TUSC3: variants seen among roughly 807,000 people sequenced by gnomAD.
The protein encoded by TUSC3 is tumor suppressor candidate 3.
In TUSC3, 45 loss-of-function variants were observed where a neutral mutation model predicts 44.8. The observed-to-expected ratio is 1.00, with a 90% confidence interval of 0.79 to 1.29. The LOEUF (loss-of-function observed/expected upper bound fraction) is 1.29. Ranked by LOEUF, TUSC3 falls within the 50% of genes most tolerant of loss-of-function variation. The pLI is 0.00. For synonymous variants in TUSC3, 212 were observed against 152.9 expected, an observed-to-expected ratio of 1.39 and a Z score of -2.85; for missense variants, 519 against 437.9, an observed-to-expected ratio of 1.19 and a Z score of -1.65.
At chr8:15,489,928 G>A (rs1800784305) in intron 2 of TUSC3, among the ~76,000 whole-genome samples, 1 of 152,052 alleles carries the variant, frequency 6.6e-6, no homozygotes, top group South Asian at 2.1e-4. Flanking sequence ...ATTCTGATAT[G>A]GCTAGAAAAT....
rs558770155 is a variant in TUSC3 at position 15,503,115 on chromosome 8, G to A, written n.189+19632G>A. 5.9e-5 allele frequency among the ~76,000 whole-genome samples: 9 copies of A among 152,232 alleles called. No homozygotes were observed. The South Asian group carries it at 1.7e-3, about 28-fold the overall frequency. On this transcript the variant is annotated intron_variant and non_coding_transcript_variant, in intron 2 of 5. Coordinates refer to the TUSC3 transcript ENST00000503191. ...AAATCCCCAGAACCTCGGAATGTGA[G>A]TGTATTTGGAGGGTTGGGTCTTCAA... is the stretch of plus-strand genomic sequence containing the variant.
At chr8:15,470,186 G>T (rs1800469141) in intron 1 of TUSC3, among the ~76,000 whole-genome samples, 1 of 149,584 alleles carries the variant, frequency 6.7e-6, no homozygotes, top group Non-Finnish European at 1.5e-5. Flanking sequence ...GAGGTGAAAA[G>T]ATTGCTTGAG....
intron 1 of TUSC3, among the ~76,000 whole-genome samples, chr8:15,607,411 G>A (rs1405366057): frequency 6.6e-6 from 1 of 152,098 alleles, no homozygotes. Flanking sequence ...CATTTGTAAA[G>A]TGTGTGTATA....
intron 1 of TUSC3, among the ~76,000 whole-genome samples, chr8:15,585,107 G>A (rs113928038): frequency 1.4e-4 from 21 of 152,256 alleles, no homozygotes; most frequent in African/African-American, 4.8e-4. Context: ...AAAGGCTACT[G>A]CTACTATGTT....
chr8:15,507,156 C>T (rs1364877794), intron 2 of TUSC3, among the ~76,000 whole-genome samples: 2 of 152,096 alleles, frequency 1.3e-5, no homozygotes, highest in African/African-American at 4.8e-5. Flanking sequence ...GGGAGCTCCC[C>T]CTTGCCCTCC....
At chr8:15,510,310 T>A (rs1372160092) in intron 2 of TUSC3, among the ~76,000 whole-genome samples, 3 of 152,134 alleles carry the variant, frequency 2.0e-5, no homozygotes, top group African/African-American at 7.2e-5. Context: ...AACCAGAAGC[T>A]GGTTCTTTAT....
intron 7 of TUSC3, among the ~76,000 whole-genome samples, chr8:15,735,204 C>T (rs1017673838): frequency 6.6e-6 from 1 of 152,210 alleles, no homozygotes; most frequent in East Asian, 1.9e-4. Context: ...GGCAGTCGTT[C>T]TGGCTGCTGG....
chr8:15,847,305 G>A, the TUSC3 span, among the ~76,000 whole-genome samples: 2 of 152,102 alleles, frequency 1.3e-5, no homozygotes, highest in Non-Finnish European at 2.9e-5. Context: ...GGCTGCACTT[G>A]GTTAATTTCT....
At chr8:15,818,750 A>G in the TUSC3 span, among the ~76,000 whole-genome samples, 3 of 152,248 alleles carry the variant, frequency 2.0e-5, no homozygotes, top group Non-Finnish European at 4.4e-5. Flanking sequence ...TAAGAACTAA[A>G]TACTCATGTA....
chr8:15,659,721 C>T lies in TUSC3; in HGVS notation c.567+74C>T, dbSNP rs888072287. ...TTTATGGAGCATTTTAATAAGGCCA[C>T]AGTAATACTTTTTAATTTCTCTATG... is the stretch of plus-strand genomic sequence containing the variant. On this transcript the variant is annotated intron_variant, in intron 4 of 10. Transcript: ENST00000503731. The T allele has an allele frequency of 2.8e-5, 44 of 1,571,210 alleles. No individual in the cohort carries two copies. The African/African-American group carries it at 5.8e-4, about 21-fold the overall frequency.
chr8:15,458,353 C>G (rs919331351), intron 1 of TUSC3, among the ~76,000 whole-genome samples: 1 of 152,116 alleles, frequency 6.6e-6, no homozygotes, highest in Non-Finnish European at 1.5e-5. Context: ...ATCCTCCCAC[C>G]TCAGTCTCCC....
the TUSC3 span, among the ~76,000 whole-genome samples, chr8:15,838,069 T>C: frequency 1.3e-5 from 2 of 152,112 alleles, no homozygotes; most frequent in Admixed American, 1.3e-4. Flanking sequence ...GTTCATAATG[T>C]AAAGTCTCTC....
chr8:15,477,017 G>C (rs1474652326), intron 1 of TUSC3, among the ~76,000 whole-genome samples: 2 of 152,130 alleles, frequency 1.3e-5, no homozygotes, highest in Admixed American at 1.3e-4. Context: ...GATTGGTTGT[G>C]GAAAGCAACC....
chr8:15,753,752 G>A (rs1811806141), intron 9 of TUSC3, among the ~76,000 whole-genome samples: 1 of 152,094 alleles, frequency 6.6e-6, no homozygotes, highest in Middle Eastern at 3.4e-3. Context: ...GTGACTAAAA[G>A]ACTGCAGAGA....
the TUSC3 span, among the ~76,000 whole-genome samples, chr8:15,780,389 G>A: frequency 6.6e-6 from 1 of 152,074 alleles, no homozygotes; most frequent in Non-Finnish European, 1.5e-5. Context: ...CCATGGTTTG[G>A]CTCTTGATTC....
the TUSC3 span, among the ~76,000 whole-genome samples, chr8:15,840,700 C>G: frequency 1.3e-5 from 2 of 152,052 alleles, no homozygotes; most frequent in African/African-American, 4.8e-5. Context: ...TAGAAAAACA[C>G]TTTTAGCCTG....
intron 2 of TUSC3, among the ~76,000 whole-genome samples, chr8:15,483,858 T>G (rs1800699568): frequency 6.8e-6 from 1 of 147,850 alleles, no homozygotes; most frequent in South Asian, 2.2e-4. Context: ...GGGGTTTCAC[T>G]GTGTTAGCCA....
At chr8:15,810,972 A>C in the TUSC3 span, among the ~76,000 whole-genome samples, 118,393 of 151,950 alleles carry the variant, frequency 0.78, 46,503 homozygotes, top group Non-Finnish European at 0.84. Context: ...GATCGTGTGG[A>C]GCTTATAGAC....
intron 6 of TUSC3, among the ~76,000 whole-genome samples, chr8:15,722,241 GTTTC>G (rs1366364196): frequency 6.7e-6 from 1 of 148,970 alleles, no homozygotes; most frequent in Non-Finnish European, 1.5e-5. Context: ...GATGGGTTTT[GTTTC>G]TTTCTTTTTT....
Sources: allele counts gnomAD v4.1 joint callset (sites outside exome capture counted in the v4.1 genomes callset), GRCh38; gene constraint gnomAD v4.1.1; transcripts MANE v1.5; gene names NCBI Gene and HGNC (gene_info 2026-07-23, HGNC 2026-07-21).